Variants in COPB1 observed in about 807,000 individuals in gnomAD.
COPB1 encodes coatomer subunit beta.
COPB1 carries 21 observed loss-of-function variants against 108.7 expected under a neutral mutation model. The ratio of observed to expected loss-of-function variants is 0.19; its 90% confidence interval spans 0.14 to 0.28. The LOEUF (loss-of-function observed/expected upper bound fraction) is 0.28. COPB1 is among the 10% of genes least tolerant of loss of function. COPB1 has a pLI of 1.00. For synonymous variants in COPB1, 378 were observed against 386.8 expected (o/e 0.98, Z 0.27); for missense variants, 919 against 1,141.3 (o/e 0.81, Z 2.81).
chr11:14,496,014 T>C (rs2059394809), intron 2 of COPB1, among the ~76,000 whole-genome samples: 1 of 152,192 alleles, frequency 6.6e-6, no homozygotes, highest in Non-Finnish European at 1.5e-5. Flanking sequence ...TAGACCTCAA[T>C]AGAAACCTAG....
At chr11:14,495,383 T>G (rs1212752686) in intron 2 of COPB1, among the ~76,000 whole-genome samples, 1 of 152,174 alleles carries the variant, frequency 6.6e-6, no homozygotes, top group Non-Finnish European at 1.5e-5. Context: ...AACTAATGGG[T>G]AGTAGTTACC....
chr11:14,487,481 C>T (rs982895124), intron 6 of COPB1, among the ~76,000 whole-genome samples: 6 of 152,056 alleles, frequency 3.9e-5, no homozygotes, highest in African/African-American at 1.4e-4. Context: ...TTGGGACCAG[C>T]CTGGCCAACA....
chr11:14,486,567 T>A, intron 6 of COPB1, 63 bp from the exon 7 acceptor site: 3 of 1,588,174 alleles, frequency 1.9e-6, no homozygotes, highest in Non-Finnish European at 2.6e-6. Context: ...AATGGAGTTT[T>A]TTCATGAATG....
Position 14,460,229 on chromosome 11 carries a change from C to A in COPB1, c.2625G>T (p.Met875Ile), listed in dbSNP as rs764696961. 6.2e-7 allele frequency: 1 copy of A among 1,610,092 alleles called. No homozygotes were observed. The change falls in exon 20 of 22, where the codon ATG becomes ATT. Residue 875 changes from methionine to isoleucine, a missense_variant. Met to Ile is a conservative substitution (Grantham distance 10). This residue lies in a region of COPB1 where 705 missense variants were observed against 817.8 expected (regional missense o/e 0.86). Coordinates refer to ENST00000439561, the MANE Select transcript of COPB1 (RefSeq NM_001144061.2). ...YLQHILKSTN[M>I]KCLTPEKALS... ...TTACCTTTTCTGGAGTCAGGCATTTCATATTGGTTGACTTTAATATGTGCT... is the reference window on the plus strand; with the variant it reads ...TTACCTTTTCTGGAGTCAGGCATTTAATATTGGTTGACTTTAATATGTGCT...
chr11:14,493,629 T>G lies in COPB1; in HGVS notation c.491+13A>C. 6.3e-7 allele frequency: 1 copy of G among 1,581,098 alleles called. No individual in the cohort carries two copies. The highest frequency in any genetic ancestry group is 1.2e-5 in the South Asian group (1 of 83,840). On this transcript the variant is annotated intron_variant, in intron 4 of 21. Coordinates refer to ENST00000439561, the MANE Select transcript of COPB1 (RefSeq NM_001144061.2). ...TACTCACAGAATGAAGCCAAAGCAGTATCTTTATTTACCTATAGATGGTAT... is the reference window on the plus strand; with the variant it reads ...TACTCACAGAATGAAGCCAAAGCAGGATCTTTATTTACCTATAGATGGTAT...
chr11:14,488,375 A>G, intron 6 of COPB1, 117 bp downstream of exon 6: 1 of 490,970 alleles, frequency 2.0e-6, no homozygotes, highest in Non-Finnish European at 3.4e-6. Context: ...GCTATGCTAT[A>G]AAATATTTAT....
chr11:14,480,512 C>A (rs541303518), intron 10 of COPB1, among the ~76,000 whole-genome samples: 1 of 152,120 alleles, frequency 6.6e-6, no homozygotes, highest in African/African-American at 2.4e-5. Flanking sequence ...GTAACTGTAT[C>A]ATCAATTAAA....
intron 11 of COPB1, 143 bp from the exon 12 acceptor site, chr11:14,477,158 C>A (rs142530576): frequency 5.2e-6 from 3 of 577,706 alleles, no homozygotes; most frequent in Middle Eastern, 2.8e-4. Flanking sequence ...CCGAGGCGGG[C>A]GGATCACGAG....
chr11:14,470,487 C>T (rs1850375832), intron 14 of COPB1, among the ~76,000 whole-genome samples: 1 of 152,152 alleles, frequency 6.6e-6, no homozygotes. Flanking sequence ...TTACTTAGCT[C>T]GCTATTCAAA....
At chr11:14,496,077 G>A (rs1039410269) in intron 2 of COPB1, among the ~76,000 whole-genome samples, 6 of 152,070 alleles carry the variant, frequency 3.9e-5, no homozygotes, top group Non-Finnish European at 8.8e-5. Flanking sequence ...TTAAGAAGTG[G>A]GAATAGGCAA....
At chr11:14,495,128 T>G (rs936610564) in intron 2 of COPB1, among the ~76,000 whole-genome samples, 1 of 152,200 alleles carries the variant, frequency 6.6e-6, no homozygotes, top group Admixed American at 6.5e-5. Context: ...GCCTAAAAAC[T>G]CTGCAACATA....
In COPB1 at chr11:14,457,639, G is replaced by A. The variant is rs1850057847; in HGVS notation, c.*185C>T. 5.5e-6 allele frequency: 3 copies of A among 541,836 alleles called. No individual in the cohort carries two copies. The highest frequency in any genetic ancestry group is 6.7e-5 in the East Asian group (2 of 29,676). 33.6% of individuals were successfully genotyped at this position (541,836 alleles called of 1,614,324 possible). On this transcript the variant is annotated 3_prime_UTR_variant, in exon 22 of 22. Transcript: ENST00000439561. ...TGAGGACAGCATTCAGAACTGTTAA[G>A]ACAAAAGACAAACTATAATTTTAAA...
chr11:14,477,895 T>C (rs1261475661), intron 11 of COPB1, among the ~76,000 whole-genome samples: 1 of 106,704 alleles, frequency 9.4e-6, no homozygotes, highest in Non-Finnish European at 1.8e-5. Context: ...AGACTCCATC[T>C]CAAAAAAAAA....
In COPB1 at chr11:14,466,511, G is replaced by A; in HGVS notation, c.2146-85C>T. The A allele has an allele frequency of 6.0e-6, 8 of 1,338,738 alleles. No individual in the cohort carries two copies. In the South Asian group the frequency reaches 1.2e-4, roughly 20 times the overall value. The allele number at this position is 1,338,738 out of a possible 1,614,324, so 82.9% of individuals were successfully genotyped here. Reference sequence around the variant, plus strand: ...CTGGCCAAATGATTAAGTCTGGTAGGTTATTAACAGAGTTGCTTAGAAGTC... The same window carrying A: ...CTGGCCAAATGATTAAGTCTGGTAGATTATTAACAGAGTTGCTTAGAAGTC... On this transcript the variant is annotated intron_variant, in intron 16 of 21. Coordinates refer to ENST00000439561, the MANE Select transcript of COPB1 (RefSeq NM_001144061.2).
intron 14 of COPB1, among the ~76,000 whole-genome samples, chr11:14,471,049 C>G (rs1229307986): frequency 6.6e-6 from 1 of 151,432 alleles, no homozygotes; most frequent in Non-Finnish European, 1.5e-5. Flanking sequence ...GAAAAAAAAA[C>G]AGAAGACTTA....
At chr11:14,466,177 A>T in intron 17 of COPB1, 105 bp downstream of exon 17, 1 of 1,110,346 alleles carries the variant, frequency 9.0e-7, no homozygotes, top group Non-Finnish European at 1.2e-6. Context: ...AAAATGTCAG[A>T]AAAGGTTCAA....
chr11:14,480,705 T>G, intron 10 of COPB1, 54 bp downstream of exon 10: 1 of 1,543,138 alleles, frequency 6.5e-7, no homozygotes, highest in Non-Finnish European at 8.8e-7. Flanking sequence ...TAACTATATT[T>G]TTTAAAAAAT....
Position 14,474,564 on chromosome 11 carries a change from G to A in COPB1, c.1668C>T (p.Ser556=), listed in dbSNP as rs772536589. The A allele has an allele frequency of 1.2e-6, 2 of 1,614,018 alleles. No homozygotes were observed. The highest frequency in any genetic ancestry group is 2.2e-5 in the South Asian group (2 of 91,072). Residue 556 remains serine, a synonymous_variant, in exon 14 of 22, where the codon TCC becomes TCT. Transcript: ENST00000439561. Reference sequence around the variant, plus strand: ...CAATCTTGGTCAGAGTTGTGGCAAGGGAGGCAGCAACAAAGAAATCTCCAT... The same window carrying A: ...CAATCTTGGTCAGAGTTGTGGCAAGAGAGGCAGCAACAAAGAAATCTCCAT... ...LLDGDFFVAA[S]LATTLTKIAL...
intron 16 of COPB1, among the ~76,000 whole-genome samples, chr11:14,468,452 G>C (rs1334507845): frequency 6.6e-6 from 1 of 152,106 alleles, no homozygotes; most frequent in African/African-American, 2.4e-5. Flanking sequence ...CTATTTATTG[G>C]TCTATGATTC....
Sources: allele counts gnomAD v4.1 joint callset (sites outside exome capture counted in the v4.1 genomes callset), GRCh38; gene constraint gnomAD v4.1.1; regional missense constraint gnomAD v4.1.1; transcripts MANE v1.5; gene names NCBI Gene and HGNC (gene_info 2026-07-23, HGNC 2026-07-21).